Variants in SUMF1 observed in about 807,000 individuals in gnomAD.
The protein encoded by SUMF1 is sulfatase modifying factor 1, also known as formylglycine-generating enzyme.
Under a neutral mutation model 47.6 loss-of-function variants are expected in SUMF1, and 48 were observed. That is an observed-to-expected ratio of 1.01 (90% confidence interval 0.80 to 1.28). The LOEUF is 1.28. Ranked by LOEUF, SUMF1 falls within the 50% of genes most tolerant of loss-of-function variation. The pLI is 0.00. For missense variants in SUMF1, 571 were observed against 485.4 expected (o/e 1.18, Z -1.66); for synonymous variants, 230 against 192.1 (o/e 1.20, Z -1.63).
At chr3:4,345,059 T>C (rs929309919) in intron 8 of SUMF1, among the ~76,000 whole-genome samples, 18 of 152,080 alleles carry the variant, frequency 1.2e-4, no homozygotes, top group Non-Finnish European at 5.9e-5. Flanking sequence ...CTATGATTGA[T>C]TGGAGTACCA....
At chr3:4,071,668 C>T in intron 8 of SUMF1, among the ~76,000 whole-genome samples, 1 of 152,202 alleles carries the variant, frequency 6.6e-6, no homozygotes, top group East Asian at 1.9e-4. Flanking sequence ...TTTATGCTCA[C>T]AGTGTAAACA....
At chr3:4,465,772 T>C (rs529626599) in intron 1 of SUMF1, among the ~76,000 whole-genome samples, 3 of 152,164 alleles carry the variant, frequency 2.0e-5, no homozygotes, top group Non-Finnish European at 2.9e-5. Context: ...CACAGTCCAG[T>C]TGGGGAGAGA....
chr3:4,225,381 C>T (rs957986949), intron 8 of SUMF1, among the ~76,000 whole-genome samples: 1 of 152,110 alleles, frequency 6.6e-6, no homozygotes, highest in African/African-American at 2.4e-5. Flanking sequence ...AAGCAAGTTC[C>T]ACTATGACAA....
chr3:4,225,668 A>C (rs1028301981), intron 8 of SUMF1, among the ~76,000 whole-genome samples: 8 of 152,152 alleles, frequency 5.3e-5, no homozygotes, highest in African/African-American at 1.9e-4. Context: ...TCCACGTCTC[A>C]GTGACCTGAA....
rs1005488387 is a variant in SUMF1, at chr3:4,172,872, T to C, written c.1015-104127A>G. Among the ~76,000 whole-genome samples, 3 of 152,244 alleles carry C rather than the reference T, an allele frequency of 2.0e-5. No individual in the cohort carries two copies. The East Asian group carries it at 5.8e-4, about 29-fold the overall frequency. On this transcript the variant is annotated intron_variant and NMD_transcript_variant, in intron 8 of 12. Transcript: ENST00000448413. ...CTTTAGTTTAATTAGATCCCATTTG[T>C]CAATTTTGGCTTCTGTTGCCATTGC...
At chr3:4,105,933 G>A (rs372559381) in intron 8 of SUMF1, among the ~76,000 whole-genome samples, 46 of 151,894 alleles carry the variant, frequency 3.0e-4, no homozygotes, top group African/African-American at 1.1e-3. Context: ...CCATAATTTG[G>A]CAACTTAAAA....
chr3:4,038,810 T>C (rs908077443), intron 9 of SUMF1, among the ~76,000 whole-genome samples: 6 of 152,188 alleles, frequency 3.9e-5, no homozygotes, highest in Non-Finnish European at 8.8e-5. Context: ...TCCAGACCAC[T>C]ACCACTGGGT....
At chr3:4,049,327 G>A (rs1268358020) in intron 9 of SUMF1, among the ~76,000 whole-genome samples, 3 of 152,040 alleles carry the variant, frequency 2.0e-5, no homozygotes, top group African/African-American at 4.8e-5. Flanking sequence ...ACTTCTTCTC[G>A]TATTTCACTG....
chr3:4,391,765 G>T (rs1467260513), intron 7 of SUMF1, among the ~76,000 whole-genome samples: 4 of 152,040 alleles, frequency 2.6e-5, no homozygotes, highest in African/African-American at 9.7e-5. Flanking sequence ...TTACAGGCAT[G>T]GGCCACCATG....
chr3:4,129,059 T>C (rs1189696075), intron 8 of SUMF1, among the ~76,000 whole-genome samples: 1 of 152,090 alleles, frequency 6.6e-6, no homozygotes, highest in African/African-American at 2.4e-5. Context: ...GACCTACTCA[T>C]CCCAGCTGGG....
intron 8 of SUMF1, among the ~76,000 whole-genome samples, chr3:4,157,597 A>C (rs1204195996): frequency 6.6e-6 from 1 of 151,514 alleles, no homozygotes; most frequent in Non-Finnish European, 1.5e-5. Flanking sequence ...ATCCTGCTGT[A>C]ATGAGTCCAT....
chr3:4,336,660 A>C (rs1054523163), intron 8 of SUMF1, among the ~76,000 whole-genome samples: 5 of 152,236 alleles, frequency 3.3e-5, no homozygotes, highest in African/African-American at 9.6e-5. Flanking sequence ...AAAATATATG[A>C]TAATTTATTA....
At chr3:4,416,044 G>C (rs1701701012) in intron 6 of SUMF1, among the ~76,000 whole-genome samples, 2 of 152,104 alleles carry the variant, frequency 1.3e-5, no homozygotes, top group South Asian at 4.1e-4. Flanking sequence ...TCTTACAGTA[G>C]CACAAAGGGA....
intron 8 of SUMF1, among the ~76,000 whole-genome samples, chr3:4,243,449 A>C (rs1029428685): frequency 1.1e-4 from 16 of 152,044 alleles, no homozygotes; most frequent in African/African-American, 2.9e-4. Flanking sequence ...CCCAGAGATT[A>C]TGGTATGTTG....
chr3:4,226,260 G>GTTTTTTTTTTTTT (rs1559587286), intron 8 of SUMF1, among the ~76,000 whole-genome samples: 1 of 110,714 alleles, frequency 9.0e-6, no homozygotes, highest in Admixed American at 9.4e-5. Flanking sequence ...TTTTTTTTTT[G>GTTTTTTTTTTTTT]TTTCTTTTTT....
chr3:4,256,293 C>G (rs1482064489), intron 8 of SUMF1, among the ~76,000 whole-genome samples: 9 of 96,026 alleles, frequency 9.4e-5, no homozygotes, highest in Middle Eastern at 4.2e-3. Flanking sequence ...AATAGAGACA[C>G]AAAAAACCCT....
At chr3:4,338,325 T>C (rs756703381) in intron 8 of SUMF1, among the ~76,000 whole-genome samples, 1 of 151,940 alleles carries the variant, frequency 6.6e-6, no homozygotes, top group Non-Finnish European at 1.5e-5. Context: ...TTTACTATCG[T>C]CATCCATTCA....
Position 4,093,357 on chromosome 3 carries a change from C to T in SUMF1, c.1015-24612G>A, listed in dbSNP as rs373742720. 9.9e-5 allele frequency among the ~76,000 whole-genome samples: 15 copies of T among 152,038 alleles called. 3 individuals are homozygous for T. The highest frequency in any genetic ancestry group is 6.5e-5 in the Admixed American group (1 of 15,272). ...AAATAAATTAAAACTAAAGTGCTGG[C>T]CACAAAAACTCTCACTCTGAAGACC... On this transcript the variant is annotated intron_variant and NMD_transcript_variant, in intron 8 of 12. Transcript: ENST00000448413.
intron 8 of SUMF1, among the ~76,000 whole-genome samples, chr3:4,155,773 C>G (rs1474146272): frequency 6.6e-6 from 1 of 151,400 alleles, no homozygotes; most frequent in East Asian, 1.9e-4. Context: ...ATCCCTGAAC[C>G]TCTTCTTCTT....
Sources: gnomAD v4.1 joint callset for allele counts (sites outside exome capture counted in the v4.1 genomes callset) on GRCh38, gnomAD v4.1.1 for gene constraint, MANE v1.5 for transcripts, NCBI Gene and HGNC (gene_info 2026-07-23, HGNC 2026-07-21) for gene names.